The following CACNA2D1 variants were observed in gnomAD, a reference collection of about 807,000 sequenced individuals.
CACNA2D1 encodes calcium voltage-gated channel auxiliary subunit alpha2delta 1.
A neutral mutation model predicts 171.5 loss-of-function variants in CACNA2D1; 53 were observed. The observed-to-expected ratio is 0.31, with a 90% confidence interval of 0.25 to 0.39. CACNA2D1 has a LOEUF of 0.39. Ranked by LOEUF, CACNA2D1 falls within the 10% of genes least tolerant of loss-of-function variation. The probability of loss-of-function intolerance (pLI) is 1.00; values close to 1 mark genes in which losing one functional copy is unlikely to be tolerated. For missense variants in CACNA2D1, 903 were observed against 1,299.8 expected (o/e 0.69, Z 4.69); for synonymous variants, 442 against 443.1 (o/e 1.00, Z 0.03).
chr7:82,343,327 A>G (rs1225145736), intron 2 of CACNA2D1: 5 of 152,202 alleles, frequency 3.3e-5, no homozygotes, highest in Admixed American at 6.5e-5. Flanking sequence ...CCTAGCTCCT[A>G]TTAACAAGAA....
At chr7:82,078,524 A>G (rs1203151979) in intron 7 of CACNA2D1, among the ~76,000 whole-genome samples, 1 of 152,202 alleles carries the variant, frequency 6.6e-6, no homozygotes, top group Non-Finnish European at 1.5e-5. Flanking sequence ...TCTAAAGGAA[A>G]GAACTTGCAA....
chr7:82,316,510 T>G (rs1486074934), intron 3 of CACNA2D1, among the ~76,000 whole-genome samples: 1 of 152,174 alleles, frequency 6.6e-6, no homozygotes, highest in Non-Finnish European at 1.5e-5. Flanking sequence ...AAGACATGCT[T>G]ATAAGATTTT....
chr7:82,050,477 T>C lies in CACNA2D1; in HGVS notation c.879+9951A>G, dbSNP rs1584542107. ...TCACCTGCATAGGTAGTGAGATGGG[T>C]TTCCAGCCAGGAGTCCCAAGATGAG... On this transcript the variant is annotated intron_variant, in intron 10 of 38. Transcript: ENST00000356860. 4.7e-5 allele frequency: 31 copies of C among 664,344 alleles called. 1 individual carries two copies. In the East Asian group the frequency reaches 8.4e-4, roughly 18 times the overall value. 41.2% of individuals were successfully genotyped at this position (664,344 alleles called of 1,614,324 possible).
intron 6 of CACNA2D1, among the ~76,000 whole-genome samples, chr7:82,114,215 G>A (rs1020781953): frequency 6.6e-5 from 10 of 151,882 alleles, no homozygotes; most frequent in Non-Finnish European, 5.9e-5. Flanking sequence ...AAAAATTTAC[G>A]TTCAAATTTG....
intron 3 of CACNA2D1, among the ~76,000 whole-genome samples, chr7:82,191,559 CT>C (rs1023633416): frequency 9.9e-5 from 15 of 151,764 alleles, no homozygotes; most frequent in Admixed American, 3.3e-4. Context: ...CGTGTAAAAT[CT>C]TTGGTTTTTC....
At chr7:82,050,021 TCA>T (rs1805010944) in intron 10 of CACNA2D1, among the ~76,000 whole-genome samples, 1 of 152,204 alleles carries the variant, frequency 6.6e-6, no homozygotes, top group East Asian at 1.9e-4. Flanking sequence ...ACAATTGTAC[TCA>T]TTTTCATAGG....
intron 7 of CACNA2D1, among the ~76,000 whole-genome samples, chr7:82,073,829 G>A (rs2042147): frequency 2.6e-5 from 4 of 151,890 alleles, no homozygotes; most frequent in African/African-American, 9.7e-5. Context: ...TCGAACTCCT[G>A]ACCTCAGGTG....
At chr7:82,403,713 A>G (rs946837565) in intron 1 of CACNA2D1, among the ~76,000 whole-genome samples, 3 of 152,166 alleles carry the variant, frequency 2.0e-5, no homozygotes, top group African/African-American at 7.2e-5. Context: ...CCCTACCCCA[A>G]ACTATATGGA....
chr7:82,252,421 C>T (rs367762129), intron 3 of CACNA2D1, among the ~76,000 whole-genome samples: 29 of 152,312 alleles, frequency 1.9e-4, no homozygotes, highest in Non-Finnish European at 3.7e-4. Flanking sequence ...ACCATCCATA[C>T]TCTCTTAATT....
intron 20 of CACNA2D1, among the ~76,000 whole-genome samples, chr7:81,993,353 C>T (rs552190779): frequency 2.6e-5 from 4 of 152,200 alleles, no homozygotes; most frequent in African/African-American, 7.2e-5. Flanking sequence ...ATTCCTAGCT[C>T]ATCAATATGG....
At chr7:82,170,465 AT>A (rs1029508304) in intron 4 of CACNA2D1, 84 bp downstream of exon 4, 8 of 977,982 alleles carry the variant, frequency 8.2e-6, no homozygotes, top group African/African-American at 4.8e-5. Context: ...AGATTCCATC[AT>A]TAAAATATAT....
intron 5 of CACNA2D1, 39 bp from the exon 6 acceptor site, chr7:82,117,212 G>T: frequency 6.2e-7 from 1 of 1,600,882 alleles, no homozygotes; most frequent in Non-Finnish European, 8.5e-7. Flanking sequence ...TACAATTTTT[G>T]CTAACATAAA....
Position 82,012,253 on chromosome 7 carries a change from G to GTAA in CACNA2D1, c.1273-11_1273-10insTTA. ...AAACATCCAAATATTCCTGTTTATG[G>GTAA]GAAAAAAAAAAAAAGTCGTGGTTAA... On this transcript the variant is annotated splice_polypyrimidine_tract_variant and intron_variant, in intron 14 of 38. Coordinates refer to ENST00000356860, the MANE Select transcript of CACNA2D1 (RefSeq NM_000722.4). 1.5e-6 allele frequency: 2 copies of GTAA among 1,297,822 alleles called. No individual in the cohort carries two copies. The highest frequency in any genetic ancestry group is 2.1e-6 in the Non-Finnish European group (2 of 950,950). The allele number at this position is 1,297,822 out of a possible 1,614,324, so 80.4% of individuals were successfully genotyped here.
intron 2 of CACNA2D1, among the ~76,000 whole-genome samples, chr7:82,343,682 T>G (rs1394288640): frequency 6.6e-6 from 1 of 152,208 alleles, no homozygotes; most frequent in Non-Finnish European, 1.5e-5. Flanking sequence ...AGATAATTTA[T>G]TAACCTAGCC....
intron 3 of CACNA2D1, among the ~76,000 whole-genome samples, chr7:82,320,018 A>G (rs958591902): frequency 6.6e-6 from 1 of 152,022 alleles, no homozygotes; most frequent in African/African-American, 2.4e-5. Flanking sequence ...TACATGCAAG[A>G]TAGAGCATAT....
chr7:82,262,542 G>A (rs1807265633), intron 3 of CACNA2D1, among the ~76,000 whole-genome samples: 1 of 151,982 alleles, frequency 6.6e-6, no homozygotes, highest in African/African-American at 2.4e-5. Flanking sequence ...ATTCACTTTT[G>A]TATTTTTCCT....
intron 2 of CACNA2D1, among the ~76,000 whole-genome samples, chr7:82,345,539 T>C (rs1218246245): frequency 6.6e-6 from 1 of 152,192 alleles, no homozygotes; most frequent in African/African-American, 2.4e-5. Context: ...ACATGCACCA[T>C]TTCAAATGGC....
chr7:82,267,985 A>C (rs1022204522), intron 3 of CACNA2D1, among the ~76,000 whole-genome samples: 8 of 152,218 alleles, frequency 5.3e-5, no homozygotes, highest in African/African-American at 1.9e-4. Context: ...TGACAGAGTG[A>C]GACTCCATCT....
At chr7:82,091,427 CT>C (rs1811144461) in intron 6 of CACNA2D1, among the ~76,000 whole-genome samples, 1 of 152,214 alleles carries the variant, frequency 6.6e-6, no homozygotes, top group Non-Finnish European at 1.5e-5. Flanking sequence ...GCCTTGCCCC[CT>C]ATCACTTTAG....
Sources: gnomAD v4.1 joint callset for allele counts (sites outside exome capture counted in the v4.1 genomes callset) on GRCh38, gnomAD v4.1.1 for gene constraint, MANE v1.5 for transcripts, NCBI Gene and HGNC (gene_info 2026-07-23, HGNC 2026-07-21) for gene names.